The following BBS9 variants were observed in gnomAD, a reference collection of about 807,000 sequenced individuals.
BBS9 encodes the protein Bardet-Biedl syndrome 9.
In BBS9, 89 loss-of-function variants were observed where a neutral mutation model predicts 117.7. The observed-to-expected ratio is 0.76, with a 90% confidence interval of 0.64 to 0.90. BBS9 has a LOEUF of 0.90. Among genes scored for constraint, BBS9 ranks in the 40% least tolerant of loss-of-function variants. BBS9 has a pLI of 0.00. For missense variants in BBS9, 982 were observed against 1,042.2 expected, an observed-to-expected ratio of 0.94 and a Z score of 0.80; for synonymous variants, 379 against 370.9, an observed-to-expected ratio of 1.02 and a Z score of -0.25.
chr7:33,536,070 GAGAA>G lies in BBS9; in HGVS notation c.2521+1899_2521+1902del, dbSNP rs556509393. Among the ~76,000 whole-genome samples, 107 of 152,274 alleles carry G rather than the reference GAGAA, an allele frequency of 7.0e-4. 1 individual carries two copies. In the South Asian group the frequency reaches 7.5e-3, roughly 11 times the overall value. On this transcript the variant is annotated intron_variant, in intron 21 of 22. Coordinates refer to ENST00000242067, the MANE Select transcript of BBS9 (RefSeq NM_198428.3). The stretch of plus-strand genomic sequence containing the variant: ...TTTAAATGTATGGAAGTAAAGGACA[GAGAA>G]AGAAGGAAAAGAAGGAAGGGAGAAA...
chr7:33,498,524 A>T (rs191443935), intron 19 of BBS9, among the ~76,000 whole-genome samples: 1 of 151,286 alleles, frequency 6.6e-6, no homozygotes, highest in Non-Finnish European at 1.5e-5. Flanking sequence ...TTTACCACCC[A>T]CCCCCAGCCC....
At position 33,161,418 on chromosome 7, in the gene BBS9, G is replaced by A. The variant is rs560892927; in HGVS notation, c.328+5716G>A. 4.9e-4 allele frequency among the ~76,000 whole-genome samples: 75 copies of A among 152,216 alleles called. No individual in the cohort carries two copies. The East Asian group carries it at 0.014, about 28-fold the overall frequency. ...CGTTTGCTCAGAATGATGGTTTCCA[G>A]CTTCATCCATGTCCCTGCAAAGGAC... On this transcript the variant is annotated intron_variant, in intron 4 of 22. Transcript: ENST00000242067.
At chr7:33,232,611 G>C (rs1179100908) in intron 5 of BBS9, among the ~76,000 whole-genome samples, 1 of 152,048 alleles carries the variant, frequency 6.6e-6, no homozygotes, top group Non-Finnish European at 1.5e-5. Context: ...GTGATAACAT[G>C]TACAAGGATA....
chr7:33,476,332 C>T (rs1367492236), intron 19 of BBS9, among the ~76,000 whole-genome samples: 1 of 152,154 alleles, frequency 6.6e-6, no homozygotes, highest in Non-Finnish European at 1.5e-5. Flanking sequence ...TTACTCTGAG[C>T]CATTCCTCAC....
chr7:33,601,418 T>G (rs894619846), intron 21 of BBS9, among the ~76,000 whole-genome samples: 1 of 152,160 alleles, frequency 6.6e-6, no homozygotes, highest in African/African-American at 2.4e-5. Flanking sequence ...AACCCAGGCT[T>G]CATTTCCATG....
At chr7:33,157,790 T>C (rs1036750815) in intron 4 of BBS9, 1 of 152,206 alleles carries the variant, frequency 6.6e-6, no homozygotes, top group Admixed American at 6.5e-5. Flanking sequence ...CAACCCTTAA[T>C]AGTCAGAGGC....
chr7:33,520,336 CTGT>C, intron 20 of BBS9, among the ~76,000 whole-genome samples: 1 of 152,268 alleles, frequency 6.6e-6, no homozygotes. Context: ...ACTTCTGTTG[CTGT>C]TGCTGCTATT....
intron 21 of BBS9, among the ~76,000 whole-genome samples, chr7:33,558,805 G>C (rs1012881465): frequency 2.0e-5 from 3 of 152,126 alleles, no homozygotes; most frequent in African/African-American, 7.2e-5. Flanking sequence ...AAAGTGGAGA[G>C]AGTAGAAAAG....
intron 19 of BBS9, among the ~76,000 whole-genome samples, chr7:33,394,084 A>G (rs1827537717): frequency 6.6e-6 from 1 of 152,188 alleles, no homozygotes; most frequent in African/African-American, 2.4e-5. Context: ...GGTTGAAGCA[A>G]GGAGAGGGGA....
chr7:33,157,514 A>G (rs1330482182), intron 4 of BBS9: 1 of 149,042 alleles, frequency 6.7e-6, no homozygotes, highest in Non-Finnish European at 1.5e-5. Flanking sequence ...GACAATTTGT[A>G]TATTTTTCCT....
intron 20 of BBS9, among the ~76,000 whole-genome samples, chr7:33,529,778 A>T (rs996214923): frequency 3.9e-5 from 6 of 152,184 alleles, no homozygotes; most frequent in African/African-American, 1.4e-4. Flanking sequence ...CCTTCCAGAA[A>T]TTTTTAGTGC....
At chr7:33,166,054 T>C (rs1040605224) in intron 4 of BBS9, among the ~76,000 whole-genome samples, 11 of 152,238 alleles carry the variant, frequency 7.2e-5, no homozygotes, top group African/African-American at 2.2e-4. Context: ...GTTGATGCTA[T>C]TCCTTTTTGT....
At chr7:33,412,380 G>A (rs1040888573) in intron 19 of BBS9, among the ~76,000 whole-genome samples, 7 of 152,186 alleles carry the variant, frequency 4.6e-5, no homozygotes, top group African/African-American at 1.4e-4. Context: ...CACATTTGTT[G>A]AGCTCTCTGG....
At position 33,343,358 on chromosome 7, in the gene BBS9, G is replaced by A. The variant is rs114416958; in HGVS notation, c.1276-1223G>A. Reference sequence around the variant, plus strand: ...ATAAGTGATAAGGGAAGTGTTTTATGTATTATATTATACTATGTATTCTTT... The same window carrying A: ...ATAAGTGATAAGGGAAGTGTTTTATATATTATATTATACTATGTATTCTTT... On this transcript the variant is annotated intron_variant, in intron 11 of 22. Coordinates refer to ENST00000242067, the MANE Select transcript of BBS9 (RefSeq NM_198428.3). 3.2e-3 allele frequency among the ~76,000 whole-genome samples: 489 copies of A among 152,216 alleles called. 3 individuals are homozygous for A. Among genetic ancestry groups the A allele is most frequent in the African/African-American group, 0.011 (457 of 41,536 alleles).
intron 7 of BBS9, 139 bp from the exon 8 acceptor site, chr7:33,272,873 G>A (rs966823817): frequency 1.1e-4 from 82 of 716,558 alleles, no homozygotes; most frequent in Middle Eastern, 3.3e-4. Flanking sequence ...ATAAAAAAAA[G>A]AATAAAGAAA....
At chr7:33,302,935 C>G (rs1013556376) in intron 9 of BBS9, among the ~76,000 whole-genome samples, 1 of 151,918 alleles carries the variant, frequency 6.6e-6, no homozygotes, top group South Asian at 2.1e-4. Flanking sequence ...TCCATTTTCT[C>G]TTAAATTTCT....
intron 9 of BBS9, among the ~76,000 whole-genome samples, chr7:33,288,925 C>T (rs1050155317): frequency 6.6e-6 from 1 of 152,196 alleles, no homozygotes; most frequent in East Asian, 1.9e-4. Context: ...ATAACATGCA[C>T]GAGCTCATAA....
intron 21 of BBS9, among the ~76,000 whole-genome samples, chr7:33,551,108 T>G (rs1854341067): frequency 6.6e-6 from 1 of 152,190 alleles, no homozygotes; most frequent in African/African-American, 2.4e-5. Flanking sequence ...AGGTGTTTGC[T>G]TGTTGGTTGC....
chr7:33,334,443 A>G (rs1451898074), intron 9 of BBS9, among the ~76,000 whole-genome samples: 1 of 152,148 alleles, frequency 6.6e-6, no homozygotes, highest in African/African-American at 2.4e-5. Flanking sequence ...CTGAGGACTC[A>G]TTGGGTTCGT....
Sources: gnomAD v4.1 joint callset for allele counts (sites outside exome capture counted in the v4.1 genomes callset) on GRCh38, gnomAD v4.1.1 for gene constraint, MANE v1.5 for transcripts, NCBI Gene and HGNC (gene_info 2026-07-23, HGNC 2026-07-21) for gene names.